AGBL3: variants seen among roughly 807,000 people sequenced by gnomAD.
AGBL3 encodes the protein cytosolic carboxypeptidase 3.
A neutral mutation model predicts 94.5 loss-of-function variants in AGBL3; 68 were observed. The observed-to-expected ratio is 0.72, with a 90% CI of 0.59 to 0.88. The LOEUF (loss-of-function observed/expected upper bound fraction) is 0.88, where lower values mean the gene tolerates loss of function less well. Ranked by LOEUF, AGBL3 falls within the 40% of genes least tolerant of loss-of-function variation. The pLI is 0.00. For missense variants in AGBL3, 934 were observed against 1,103.8 expected (o/e 0.85, Z 2.18); for synonymous variants, 354 against 370.7 (o/e 0.95, Z 0.52).
chr7:135,049,170 T>C (rs184900199), intron 11 of AGBL3, among the ~76,000 whole-genome samples: 19 of 152,100 alleles, frequency 1.2e-4, no homozygotes, highest in Non-Finnish European at 2.4e-4. Context: ...GCTTTTTCTC[T>C]ATTGAGAGGA....
chr7:135,076,192 T>C (rs1250603626), intron 12 of AGBL3, among the ~76,000 whole-genome samples: 1 of 152,202 alleles, frequency 6.6e-6, no homozygotes, highest in Non-Finnish European at 1.5e-5. Context: ...TCTTCTGGCC[T>C]TGAACTCCCT....
chr7:135,074,537 C>T (rs1257039511), intron 12 of AGBL3, among the ~76,000 whole-genome samples: 3 of 152,060 alleles, frequency 2.0e-5, no homozygotes, highest in Non-Finnish European at 4.4e-5. Flanking sequence ...TGTTTTACCT[C>T]CTCCCATATT....
intron 16 of AGBL3, among the ~76,000 whole-genome samples, chr7:135,127,445 C>T (rs1828039516): frequency 6.6e-6 from 1 of 151,700 alleles, no homozygotes; most frequent in Admixed American, 6.6e-5. Flanking sequence ...CCCAGCTACT[C>T]GGGAGGCTGA....
rs1215719503 is a variant in AGBL3, at chr7:135,134,800, C to T, written c.2343-41C>T. Reference sequence around the variant, plus strand: ...ACATACCTAGGACTACAAAGTAGGTCCATGATGGACAAAAATTCACGTATT... The same window carrying T: ...ACATACCTAGGACTACAAAGTAGGTTCATGATGGACAAAAATTCACGTATT... On this transcript the variant is annotated intron_variant, in intron 16 of 16. Coordinates refer to ENST00000436302, the MANE Select transcript of AGBL3 (RefSeq NM_178563.4). The T allele has an allele frequency of 5.3e-6, 8 of 1,521,830 alleles. No individual in the cohort carries two copies. In the South Asian group the frequency reaches 7.4e-5, roughly 14 times the overall value. 94.3% of individuals were successfully genotyped at this position (1,521,830 alleles called of 1,614,324 possible).
intron 10 of AGBL3, 27 bp downstream of exon 10, chr7:135,045,601 T>C: frequency 2.0e-6 from 3 of 1,524,516 alleles, no homozygotes; most frequent in Non-Finnish European, 1.8e-6. Context: ...TGGTAATGCA[T>C]CAGACTCCAG....
intron 12 of AGBL3, among the ~76,000 whole-genome samples, chr7:135,065,883 C>T (rs571152161): frequency 6.6e-6 from 1 of 152,110 alleles, no homozygotes; most frequent in South Asian, 2.1e-4. Flanking sequence ...AGAATGAGAC[C>T]CTGTATCAAA....
At chr7:135,088,927 G>A (rs1821550403) in intron 15 of AGBL3, among the ~76,000 whole-genome samples, 1 of 152,100 alleles carries the variant, frequency 6.6e-6, no homozygotes, top group Non-Finnish European at 1.5e-5. Context: ...CCGGACTTGG[G>A]AAGTTTTCAG....
At chr7:135,115,729 C>T (rs891192792) in intron 16 of AGBL3, 118 bp downstream of exon 16, 27 of 823,128 alleles carry the variant, frequency 3.3e-5, no homozygotes, top group Non-Finnish European at 4.2e-5. Flanking sequence ...GATGTCAGCT[C>T]CATCACATTT....
At chr7:135,013,753 C>G (rs1047873166) in intron 4 of AGBL3, among the ~76,000 whole-genome samples, 1 of 152,126 alleles carries the variant, frequency 6.6e-6, no homozygotes, top group Non-Finnish European at 1.5e-5. Flanking sequence ...AAAGTGAGCT[C>G]TGGATGACCA....
At chr7:135,069,253 T>TA (rs1162482205) in intron 12 of AGBL3, among the ~76,000 whole-genome samples, 2 of 152,084 alleles carry the variant, frequency 1.3e-5, no homozygotes, top group Non-Finnish European at 2.9e-5. Flanking sequence ...TACAGAGACT[T>TA]AGACTCCCAC....
chr7:135,025,806 A>G (rs998912296), intron 5 of AGBL3, among the ~76,000 whole-genome samples: 2 of 151,700 alleles, frequency 1.3e-5, no homozygotes, highest in African/African-American at 4.8e-5. Context: ...TATCAGATGA[A>G]ACAGACTTTC....
intron 4 of AGBL3, among the ~76,000 whole-genome samples, chr7:135,005,799 T>A (rs558600551): frequency 5.5e-4 from 84 of 151,902 alleles, no homozygotes; most frequent in South Asian, 3.1e-3. Context: ...TATTCCCAAG[T>A]GGTTTTTCAT....
At chr7:135,070,981 T>C (rs7795961) in intron 12 of AGBL3, among the ~76,000 whole-genome samples, 72,968 of 151,108 alleles carry the variant, frequency 0.48, 17,929 homozygotes, top group South Asian at 0.65. Context: ...AAAACCCCAT[T>C]GTCTCAGCCC....
At chr7:135,096,558 A>AAGATAGAT (rs1167936702) in intron 15 of AGBL3, among the ~76,000 whole-genome samples, 1,339 of 79,762 alleles carry the variant, frequency 0.017, 53 homozygotes, top group Admixed American at 0.04. Flanking sequence ...GAAAGAAAGA[A>AAGATAGAT]AGATAGATAG....
intron 4 of AGBL3, among the ~76,000 whole-genome samples, chr7:135,001,957 C>A (rs986970211): frequency 4.6e-5 from 7 of 152,176 alleles, no homozygotes; most frequent in African/African-American, 1.7e-4. Context: ...ACTTTTACTT[C>A]TAGTAACTGA....
intron 15 of AGBL3, among the ~76,000 whole-genome samples, chr7:135,104,409 T>A (rs1210357439): frequency 2.0e-5 from 3 of 152,216 alleles, no homozygotes; most frequent in Non-Finnish European, 4.4e-5. Flanking sequence ...TGTATTTTTA[T>A]GATAAAATGA....
chr7:135,075,583 A>G (rs925354809), intron 12 of AGBL3, among the ~76,000 whole-genome samples: 2 of 152,184 alleles, frequency 1.3e-5, no homozygotes, highest in African/African-American at 4.8e-5. Context: ...CTGAGATAAA[A>G]ACCCAGGAGT....
chr7:135,034,102 T>C, intron 6 of AGBL3, 47 bp from the exon 7 acceptor site: 1 of 1,323,594 alleles, frequency 7.6e-7, no homozygotes, highest in East Asian at 2.8e-5. Context: ...CAAAATGTCA[T>C]TTTTACATTC....
At chr7:135,039,261 T>G (rs1199453836) in intron 8 of AGBL3, among the ~76,000 whole-genome samples, 3 of 152,178 alleles carry the variant, frequency 2.0e-5, no homozygotes, top group Non-Finnish European at 4.4e-5. Flanking sequence ...GAGGAAAATC[T>G]ACAAACATGT....
Sources: gnomAD v4.1 joint callset for allele counts (sites outside exome capture counted in the v4.1 genomes callset) on GRCh38, gnomAD v4.1.1 for gene constraint, MANE v1.5 for transcripts, NCBI Gene and HGNC (gene_info 2026-07-23, HGNC 2026-07-21) for gene names.